The following TMEM256 variants were observed in gnomAD, a reference collection of about 807,000 sequenced individuals.
The protein encoded by TMEM256 is UPF0451 protein C17orf61.
In TMEM256, 14 loss-of-function variants were observed where a neutral mutation model predicts 14.8. The ratio of observed to expected loss-of-function variants is 0.95; its 90% confidence interval spans 0.63 to 1.48. The LOEUF (loss-of-function observed/expected upper bound fraction) is 1.48. Among genes scored for constraint, TMEM256 ranks in the 40% most tolerant of loss-of-function variants. TMEM256 has a pLI of 0.00. For synonymous variants in TMEM256, 68 were observed against 60.7 expected, an observed-to-expected ratio of 1.12 and a Z score of -0.56; for missense variants, 146 against 137.9, an observed-to-expected ratio of 1.06 and a Z score of -0.30.
Position 7,403,028 on chromosome 17 carries a change from A to G in TMEM256, c.*38T>C. 1 of 1,564,648 alleles carries G rather than the reference A, an allele frequency of 6.4e-7. No individual in the cohort carries two copies. Among genetic ancestry groups the G allele is most frequent in the Non-Finnish European group, 8.6e-7 (1 of 1,163,038 alleles). The stretch of plus-strand genomic sequence containing the variant: ...TCTTACTCCAACTCTTTAAAAAAAA[A>G]ACTGCCCAGAAAACCCAGTAATTAA... On this transcript the variant is annotated 3_prime_UTR_variant, in exon 4 of 4. Coordinates refer to ENST00000302422, the MANE Select transcript of TMEM256 (RefSeq NM_152766.5).
In TMEM256 at chr17:7,403,524, C is replaced by G. The variant is rs1349275951; in HGVS notation, c.117+134G>C. On this transcript the variant is annotated intron_variant, in intron 2 of 3. Transcript: ENST00000302422. The stretch of plus-strand genomic sequence containing the variant: ...AGCTTGATCCCAGGCCTTTGGCTTA[C>G]AGAGCCTTTGGCCTTTGCTGCTCCA... 4.6e-6 allele frequency: 7 copies of G among 1,507,398 alleles called. No homozygotes were observed. The South Asian group carries it at 6.9e-5, about 15-fold the overall frequency. The allele number at this position is 1,507,398 out of a possible 1,614,324, so 93.4% of individuals were successfully genotyped here.
At position 7,403,089 on chromosome 17, in the gene TMEM256, C is replaced by A; in HGVS notation, c.319G>T (p.Gly107Cys). The part of the protein sequence containing the change: ...APAGGTLLLL[G>C]WLALAL ...GCTCAAAGAGCCAAGGCAAGCCAGC[C>A]CAAGAGTAGCAGGGTCCCTCCCGCA... Residue 107 changes from glycine to cysteine, a missense_variant, in exon 4 of 4, where the codon GGC becomes TGC. By Grantham distance (159) the Gly-to-Cys change is radical (BLOSUM62 -3). Transcript: ENST00000302422. 1 of 1,613,600 alleles carries A rather than the reference C, an allele frequency of 6.2e-7. No individual in the cohort carries two copies. The highest frequency in any genetic ancestry group is 8.5e-7 in the Non-Finnish European group (1 of 1,179,832).
rs1395596403 is a variant in TMEM256, at chr17:7,403,892, G to T, written c.85+108C>A. ...ACTTTAAAAGGTTTAGGGCTCCGCGGACTGTCTGATAAACGAGAGGCCGGG... is the reference window on the plus strand; with the variant it reads ...ACTTTAAAAGGTTTAGGGCTCCGCGTACTGTCTGATAAACGAGAGGCCGGG... On this transcript the variant is annotated intron_variant, in intron 1 of 3. Coordinates refer to ENST00000302422, the MANE Select transcript of TMEM256 (RefSeq NM_152766.5). 38 of 1,356,062 alleles carry T rather than the reference G, an allele frequency of 2.8e-5. 1 individual carries two copies. Among genetic ancestry groups the T allele is most frequent in the Non-Finnish European group, 3.7e-5 (37 of 1,001,486 alleles). 84.0% of individuals were successfully genotyped at this position (1,356,062 alleles called of 1,614,324 possible).
At chr17:7,403,750 G>C in intron 1 of TMEM256, 61 bp from the exon 2 acceptor site, 1 of 1,600,530 alleles carries the variant, frequency 6.2e-7, no homozygotes, top group Non-Finnish European at 8.5e-7. Flanking sequence ...CCCCCAATCC[G>C]GGGGGACCCA....
Position 7,403,678 on chromosome 17 carries a change from G to A in TMEM256, c.97C>T (p.Pro33Ser). The change falls in exon 2 of 4, where the codon CCA (proline) becomes TCA (serine). Residue 33 changes from proline to serine, a missense_variant. Transcript: ENST00000302422. ...TTCACCTCCTTCCCGTAGGCATCTG[G>A]GAATTGGGCGCCTGTGGAGAAAAGA... ...ASYGAHGAQF[P>S]DAYGKELFDK... 6.2e-7 allele frequency: 1 copy of A among 1,613,634 alleles called. No homozygotes were observed. Among genetic ancestry groups the A allele is most frequent in the Non-Finnish European group, 8.5e-7 (1 of 1,179,976 alleles).
rs1906475615 is a variant in TMEM256 at position 7,404,045 on chromosome 17, A to C, written c.40T>G (p.Leu14Val). 1.2e-6 allele frequency: 2 copies of C among 1,602,070 alleles called. No homozygotes were observed. Among genetic ancestry groups the C allele is most frequent in the Non-Finnish European group, 1.7e-6 (2 of 1,174,348 alleles). Residue 14 changes from leucine (L) to valine (V), a missense_variant, in exon 1 of 4, where the codon TTG becomes GTG. Transcript: ENST00000302422. ...AAGCCTAAGGCCGCAGCTCCGGACA[A>C]GGCGCCCAAGCGGCGGAAAGCTGCA... ...PAAAFRRLGA[L>V]SGAAALGFAS... is the part of the protein sequence containing the mutation.
At chr17:7,403,563 C>G (rs1906430484) in intron 2 of TMEM256, 95 bp downstream of exon 2, 1 of 1,554,180 alleles carries the variant, frequency 6.4e-7, no homozygotes, top group Non-Finnish European at 8.8e-7. Flanking sequence ...ATCCGCGGCT[C>G]GCCCCACCCT....
chr17:7,403,261 A>T (rs1410439851), intron 3 of TMEM256, 49 bp downstream of exon 3: 1 of 1,614,160 alleles, frequency 6.2e-7, no homozygotes, highest in Non-Finnish European at 8.5e-7. Flanking sequence ...GGGCAGGCTG[A>T]GAGGGAGTGT....
intron 2 of TMEM256, 34 bp downstream of exon 2, chr17:7,403,624 C>T (rs1294705374): frequency 1.2e-6 from 2 of 1,614,032 alleles, no homozygotes; most frequent in Non-Finnish European, 8.5e-7. Flanking sequence ...TTCGTAGACC[C>T]ACGAGTCAGG....
chr17:7,403,488 C>T, intron 2 of TMEM256, 98 bp from the exon 3 acceptor site: 1 of 1,496,300 alleles, frequency 6.7e-7, no homozygotes, highest in Non-Finnish European at 9.3e-7. Flanking sequence ...CCACCCCACC[C>T]TTGAAGTCCC....
Position 7,403,088 on chromosome 17 carries a change from C to A in TMEM256, c.320G>T (p.Gly107Val), listed in dbSNP as rs747650287. Reference protein sequence around the residue: ...APAGGTLLLLGWLALAL With the variant: ...APAGGTLLLLVWLALAL Reference sequence around the variant, plus strand: ...AGCTCAAAGAGCCAAGGCAAGCCAGCCCAAGAGTAGCAGGGTCCCTCCCGC... The same window carrying A: ...AGCTCAAAGAGCCAAGGCAAGCCAGACCAAGAGTAGCAGGGTCCCTCCCGC... Residue 107 changes from glycine to valine, a missense_variant, in exon 4 of 4, where the codon GGC (glycine) becomes GTC (valine). By Grantham distance (109) the Gly-to-Val change is moderately radical. Coordinates refer to ENST00000302422, the MANE Select transcript of TMEM256 (RefSeq NM_152766.5). The A allele has an allele frequency of 6.2e-7, 1 of 1,613,582 alleles. No homozygotes were observed. Among genetic ancestry groups the A allele is most frequent in the South Asian group, 1.1e-5 (1 of 91,006 alleles).
rs746794900 is a variant in TMEM256 at position 7,403,688 on chromosome 17, G to T, written c.87C>A (p.Gly29=). ...TCCCGTAGGCATCTGGGAATTGGGC[G>T]CCTGTGGAGAAAAGAAGCAAAGGTT... ...ALGFASYGAH[G]AQFPDAYGKE... is the part of the protein sequence containing the mutation. The change falls in exon 2 of 4, where the codon GGC becomes GGA. Residue 29 remains glycine, a splice_region_variant and synonymous_variant. Coordinates refer to ENST00000302422, the MANE Select transcript of TMEM256 (RefSeq NM_152766.5). The T allele has an allele frequency of 6.8e-6, 11 of 1,612,796 alleles. No individual in the cohort carries two copies. In the Admixed American group the frequency reaches 1.2e-4, roughly 17 times the overall value.
At chr17:7,403,782 GCACCC>G in intron 1 of TMEM256, 93 bp from the exon 2 acceptor site, 1 of 1,237,936 alleles carries the variant, frequency 8.1e-7, no homozygotes, top group Non-Finnish European at 1.1e-6. Context: ...GCGAGAAAGG[GCACCC>G]CCCCCCCCGC....
chr17:7,404,014 G>GT lies in TMEM256; in HGVS notation c.70_71insA (p.Ser24TyrfsTer19). On this transcript the variant is annotated frameshift_variant, in exon 1 of 4. Transcript: ENST00000302422. LOFTEE classifies it high-confidence loss of function. ...AGCCCCCTGACCGTGCGCCCCGTAG[G>GT]AAGCGAAGCCTAAGGCCGCAGCTCC... 6.3e-7 allele frequency: 1 copy of GT among 1,599,848 alleles called. No individual in the cohort carries two copies. The highest frequency in any genetic ancestry group is 8.5e-7 in the Non-Finnish European group (1 of 1,173,166).
Position 7,403,364 on chromosome 17 carries a change from G to T in TMEM256, c.144C>A (p.His48Gln). ...CTAACAGGGCCAGGCTGTGTAAGAA[G>T]TGGTGTTTGTTGGCCTTGTCAAACA... is the stretch of plus-strand genomic sequence containing the variant. ...KELFDKANKH[H>Q]FLHSLALLGV... Residue 48 changes from histidine (H) to glutamine (Q), a missense_variant, in exon 3 of 4, where the codon CAC becomes CAA. By Grantham distance (24) the His-to-Gln change is conservative. Transcript: ENST00000302422. 2 of 1,614,216 alleles carry T rather than the reference G, an allele frequency of 1.2e-6. No individual in the cohort carries two copies. Among genetic ancestry groups the T allele is most frequent in the Non-Finnish European group, 1.7e-6 (2 of 1,180,034 alleles).
In TMEM256 at chr17:7,403,030, C is replaced by T; in HGVS notation, c.*36G>A. 6.4e-7 allele frequency: 1 copy of T among 1,559,062 alleles called. No individual in the cohort carries two copies. ...TTACTCCAACTCTTTAAAAAAAAAA[C>T]TGCCCAGAAAACCCAGTAATTAAGC... is the stretch of plus-strand genomic sequence containing the variant. On this transcript the variant is annotated 3_prime_UTR_variant, in exon 4 of 4. Coordinates refer to ENST00000302422, the MANE Select transcript of TMEM256 (RefSeq NM_152766.5).
At position 7,403,787 on chromosome 17, in the gene TMEM256, C is replaced by G. The variant is rs1026249019; in HGVS notation, c.86-98G>C. 1.1e-5 allele frequency: 8 copies of G among 744,170 alleles called. No homozygotes were observed. The African/African-American group carries it at 2.1e-4, about 19-fold the overall frequency. 46.1% of individuals were successfully genotyped at this position (744,170 alleles called of 1,614,324 possible). On this transcript the variant is annotated intron_variant, in intron 1 of 3. Coordinates refer to ENST00000302422, the MANE Select transcript of TMEM256 (RefSeq NM_152766.5). ...GTGGACATTGGCGAGAAAGGGCACC[C>G]CCCCCCCCGCCCCAGGAAGCTTCCG...
At chr17:7,403,616 C>G (rs1906434843) in intron 2 of TMEM256, 42 bp downstream of exon 2, 7 of 1,608,330 alleles carry the variant, frequency 4.4e-6, no homozygotes, top group Non-Finnish European at 6.0e-6. Context: ...TTTGTGCCTT[C>G]GTAGACCCAC....
intron 1 of TMEM256, 30 bp from the exon 2 acceptor site, chr17:7,403,719 T>C: frequency 6.2e-7 from 1 of 1,611,590 alleles, no homozygotes; most frequent in African/African-American, 1.3e-5. Context: ...AGGTTAGCGG[T>C]CCTAGTGCCA....
Sources: allele counts gnomAD v4.1 joint callset, GRCh38; gene constraint gnomAD v4.1.1; transcripts MANE v1.5; gene names NCBI Gene and HGNC (gene_info 2026-07-23, HGNC 2026-07-21).